The following SNX30 variants were observed in gnomAD, a reference collection of about 807,000 sequenced individuals.
The protein encoded by SNX30 is sorting nexin-30.
Under a neutral mutation model 46.4 loss-of-function variants are expected in SNX30, and 24 were observed. That is an observed-to-expected ratio of 0.52 (90% CI 0.37 to 0.73). SNX30 has a LOEUF of 0.73. Among genes scored for constraint, SNX30 ranks in the 30% least tolerant of loss-of-function variants. The pLI is 0.00. For missense variants in SNX30, 533 were observed against 555.7 expected, an observed-to-expected ratio of 0.96 and a Z score of 0.41; for synonymous variants, 189 against 211.5, an observed-to-expected ratio of 0.89 and a Z score of 0.92.
intron 7 of SNX30, among the ~76,000 whole-genome samples, chr9:112,861,078 C>T (rs371960056): frequency 4.4e-4 from 67 of 152,284 alleles, no homozygotes; most frequent in African/African-American, 1.6e-3. Flanking sequence ...AGCTGACTGC[C>T]CAGAAACAAA....
intron 3 of SNX30, 102 bp from the exon 4 acceptor site, chr9:112,830,623 C>T: frequency 9.4e-7 from 1 of 1,063,182 alleles, no homozygotes; most frequent in Non-Finnish European, 1.3e-6. Context: ...TTAAGAAATA[C>T]TTTTCTTGGA....
In SNX30 at chr9:112,874,263, C is replaced by T. The variant is rs1841488553; in HGVS notation, c.*5420C>T. 1 of 152,166 alleles carries T rather than the reference C, an allele frequency of 6.6e-6. No homozygotes were observed. The highest frequency in any genetic ancestry group is 1.5e-5 in the Non-Finnish European group (1 of 68,044). 9.4% of individuals were successfully genotyped at this position (152,166 alleles called of 1,614,324 possible). On this transcript the variant is annotated 3_prime_UTR_variant, in exon 9 of 9. Coordinates refer to ENST00000374232, the MANE Select transcript of SNX30 (RefSeq NM_001012994.2). ...AGCATCTCTTAAAGGCGCTTTTGGC[C>T]TAGACACCCCTGAAGTTTGGATGAA...
chr9:112,804,103 G>A (rs1243147910), intron 1 of SNX30, among the ~76,000 whole-genome samples: 4 of 150,744 alleles, frequency 2.7e-5, no homozygotes, highest in Non-Finnish European at 5.9e-5. Flanking sequence ...CTTCTGCGTC[G>A]CTCACGCTGG....
chr9:112,867,950 C>G (rs57795448), intron 8 of SNX30, among the ~76,000 whole-genome samples: 1,958 of 152,344 alleles, frequency 0.013, 41 homozygotes, highest in African/African-American at 0.045. Flanking sequence ...CGAATCATTT[C>G]TGCTCTCAGA....
chr9:112,813,428 A>G (rs1840348811), intron 2 of SNX30, among the ~76,000 whole-genome samples: 1 of 150,586 alleles, frequency 6.6e-6, no homozygotes, highest in South Asian at 2.1e-4. Flanking sequence ...ACAGTGAGCT[A>G]TGATTGTGCC....
intron 3 of SNX30, 38 bp downstream of exon 3, chr9:112,817,853 C>A: frequency 1.5e-6 from 2 of 1,370,430 alleles, no homozygotes; most frequent in Non-Finnish European, 2.1e-6. Context: ...TCTCACTTGT[C>A]CTGTGTTGTC....
intron 1 of SNX30, among the ~76,000 whole-genome samples, chr9:112,761,686 G>A (rs1839438620): frequency 6.6e-6 from 1 of 152,072 alleles, no homozygotes; most frequent in South Asian, 2.1e-4. Flanking sequence ...GTCTTTGAGA[G>A]GGGGGCGCAG....
chr9:112,823,082 C>T (rs370036171), intron 3 of SNX30, among the ~76,000 whole-genome samples: 1 of 152,124 alleles, frequency 6.6e-6, no homozygotes, highest in South Asian at 2.1e-4. Context: ...AAAACATATA[C>T]ATATATAGGT....
At chr9:112,771,770 A>G (rs1315569604) in intron 1 of SNX30, among the ~76,000 whole-genome samples, 1 of 152,192 alleles carries the variant, frequency 6.6e-6, no homozygotes, top group Non-Finnish European at 1.5e-5. Context: ...TAACAGCCAC[A>G]TTTTCATAAC....
intron 3 of SNX30, among the ~76,000 whole-genome samples, chr9:112,826,870 A>C (rs1840586162): frequency 6.6e-6 from 1 of 152,232 alleles, no homozygotes; most frequent in Non-Finnish European, 1.5e-5. Context: ...ATAACTTCTC[A>C]GTGCTTTGGA....
Position 112,871,849 on chromosome 9 carries a change from T to C in SNX30, c.*3006T>C, listed in dbSNP as rs1841450810. On this transcript the variant is annotated 3_prime_UTR_variant, in exon 9 of 9. Transcript: ENST00000374232. ...GTAGATCTACACGAACATTCTAGGCTGTTCTGCTCAGAGCGAGGAACCACT... is the reference window on the plus strand; with the variant it reads ...GTAGATCTACACGAACATTCTAGGCCGTTCTGCTCAGAGCGAGGAACCACT... 1.3e-5 allele frequency: 2 copies of C among 152,230 alleles called. No individual in the cohort carries two copies. Among genetic ancestry groups the C allele is most frequent in the Non-Finnish European group, 1.5e-5 (1 of 68,042 alleles). The allele number at this position is 152,230 out of a possible 1,614,324, so 9.4% of individuals were successfully genotyped here. A position where few individuals can be genotyped will look rare whatever the true frequency, so the allele number is the denominator to read the frequency against.
At chr9:112,820,569 T>TA (rs1840475797) in intron 3 of SNX30, among the ~76,000 whole-genome samples, 2 of 152,264 alleles carry the variant, frequency 1.3e-5, no homozygotes, top group South Asian at 4.1e-4. Context: ...TTCACCCATT[T>TA]AAAATGTACA....
chr9:112,816,175 G>A (rs1840393318), intron 2 of SNX30, among the ~76,000 whole-genome samples: 1 of 152,158 alleles, frequency 6.6e-6, no homozygotes, highest in Non-Finnish European at 1.5e-5. Flanking sequence ...TGAACCTAGG[G>A]CTCAAGGAGG....
Position 112,871,940 on chromosome 9 carries a change from A to C in SNX30, c.*3097A>C, listed in dbSNP as rs1379416031. On this transcript the variant is annotated 3_prime_UTR_variant, in exon 9 of 9. Transcript: ENST00000374232. ...AGCATTGGGTTTTATCCTTTAATAA[A>C]AGTTTTATAATGAATCCTGTTCACC... The C allele has an allele frequency of 1.3e-5, 2 of 152,194 alleles. No homozygotes were observed. Among genetic ancestry groups the C allele is most frequent in the South Asian group, 2.1e-4 (1 of 4,834 alleles). The allele number at this position is 152,194 out of a possible 1,614,324, so 9.4% of individuals were successfully genotyped here.
At chr9:112,866,007 G>C (rs186483331) in intron 8 of SNX30, among the ~76,000 whole-genome samples, 1 of 152,044 alleles carries the variant, frequency 6.6e-6, no homozygotes, top group African/African-American at 2.4e-5. Flanking sequence ...ACCCAACCCT[G>C]GTCTTAAGTA....
chr9:112,880,922 A>G (rs751842522), intron 5 of SNX30, among the ~76,000 whole-genome samples: 4 of 152,118 alleles, frequency 2.6e-5, no homozygotes, highest in Non-Finnish European at 5.9e-5. Flanking sequence ...TTCCCATAAC[A>G]TCATGAGCCC....
chr9:112,879,762 T>C, downstream of SNX30: 1 of 1,612,256 alleles, frequency 6.2e-7, no homozygotes. Context: ...GTAAGCATCT[T>C]CATTTCTCTA....
At position 112,817,764 on chromosome 9, in the gene SNX30, TGA is replaced by T; in HGVS notation, c.409_410del (p.Asp137LeufsTer45). 1 of 1,614,112 alleles carries T rather than the reference TGA, an allele frequency of 6.2e-7. No individual in the cohort carries two copies. The highest frequency in any genetic ancestry group is 8.5e-7 in the Non-Finnish European group (1 of 1,179,962). ...YSVRRRYQDF[D>X]WLRSKLEESQ... ...CTGTTCGTCGAAGATACCAGGATTT[TGA>T]CTGGTTGAGGAGCAAACTGGAAGAA... On this transcript the variant is annotated frameshift_variant, in exon 3 of 9. Coordinates refer to ENST00000374232, the MANE Select transcript of SNX30 (RefSeq NM_001012994.2). LOFTEE classifies it high-confidence loss of function.
intron 8 of SNX30, among the ~76,000 whole-genome samples, chr9:112,864,918 A>G (rs917918056): frequency 1.3e-5 from 2 of 152,066 alleles, no homozygotes; most frequent in African/African-American, 4.8e-5. Context: ...TTACAAAGGA[A>G]AGCAATTCTA....
Sources: allele counts gnomAD v4.1 joint callset (sites outside exome capture counted in the v4.1 genomes callset), GRCh38; gene constraint gnomAD v4.1.1; transcripts MANE v1.5; gene names NCBI Gene and HGNC (gene_info 2026-07-23, HGNC 2026-07-21).